The following SPAG16 variants were observed in gnomAD, a reference collection of about 807,000 sequenced individuals.
SPAG16 encodes sperm associated antigen 16.
Under a neutral mutation model 80.4 loss-of-function variants are expected in SPAG16, and 86 were observed. The ratio of observed to expected loss-of-function variants is 1.07; its 90% CI spans 0.90 to 1.28. SPAG16 has a LOEUF of 1.28. Ranked by LOEUF, SPAG16 falls within the 50% of genes most tolerant of loss-of-function variation. The probability of loss-of-function intolerance (pLI) is 0.00; values close to 1 mark genes in which losing one functional copy is unlikely to be tolerated. For synonymous variants in SPAG16, 294 were observed against 265.9 expected (o/e 1.11, Z -1.03); for missense variants, 870 against 765.3 (o/e 1.14, Z -1.61).
intron 10 of SPAG16, among the ~76,000 whole-genome samples, chr2:213,706,428 T>G (rs2065755028): frequency 6.6e-6 from 1 of 152,196 alleles, no homozygotes; most frequent in South Asian, 2.1e-4. Flanking sequence ...CATTCTAAAT[T>G]TTTTTTGGAA....
At chr2:213,446,772 C>T (rs1453926100) in intron 9 of SPAG16, among the ~76,000 whole-genome samples, 3 of 152,128 alleles carry the variant, frequency 2.0e-5, no homozygotes, top group Admixed American at 6.6e-5. Context: ...ACTGTTGCCC[C>T]GCTCAACCAG....
intron 12 of SPAG16, among the ~76,000 whole-genome samples, chr2:213,988,781 A>G (rs1291548377): frequency 6.6e-6 from 1 of 152,106 alleles, no homozygotes; most frequent in Non-Finnish European, 1.5e-5. Context: ...CAAAACACTT[A>G]AGAAATCTGA....
At chr2:214,209,817 A>G (rs2058242301) in intron 15 of SPAG16, among the ~76,000 whole-genome samples, 1 of 152,180 alleles carries the variant, frequency 6.6e-6, no homozygotes, top group Admixed American at 6.5e-5. Flanking sequence ...ATAAGGTTAC[A>G]TAATTGATTA....
intron 10 of SPAG16, among the ~76,000 whole-genome samples, chr2:213,702,072 G>T (rs113433177): frequency 0.037 from 5,628 of 152,048 alleles, 346 homozygotes; most frequent in African/African-American, 0.13. Flanking sequence ...GGGACTTGGA[G>T]AACTTTTATG....
chr2:213,453,576 A>G (rs560393102), intron 9 of SPAG16, among the ~76,000 whole-genome samples: 1 of 152,236 alleles, frequency 6.6e-6, no homozygotes, highest in South Asian at 2.1e-4. Flanking sequence ...GCATATAAAA[A>G]TGTTTGCAGG....
chr2:213,995,835 T>C (rs1217384734), intron 12 of SPAG16, among the ~76,000 whole-genome samples: 3 of 152,196 alleles, frequency 2.0e-5, no homozygotes, highest in Non-Finnish European at 1.5e-5. Flanking sequence ...TCCTGTGGTG[T>C]TTCCCTCTGA....
chr2:214,012,294 T>A (rs1423657403), intron 12 of SPAG16, among the ~76,000 whole-genome samples: 42 of 84,106 alleles, frequency 5.0e-4, no homozygotes, highest in East Asian at 1.0e-3. Context: ...ATATATTTTT[T>A]TTTTTTTTTT....
intron 9 of SPAG16, among the ~76,000 whole-genome samples, chr2:213,404,011 G>A (rs1027121716): frequency 6.6e-6 from 1 of 152,056 alleles, no homozygotes; most frequent in African/African-American, 2.4e-5. Flanking sequence ...GGATGTGAAG[G>A]ACCTCTTCAA....
chr2:213,415,414 T>C (rs1177606847), intron 9 of SPAG16, among the ~76,000 whole-genome samples: 1 of 152,202 alleles, frequency 6.6e-6, no homozygotes, highest in Non-Finnish European at 1.5e-5. Context: ...GGAAATATCA[T>C]TTTTTCAGCA....
intron 11 of SPAG16, among the ~76,000 whole-genome samples, chr2:213,908,995 A>G (rs542653451): frequency 4.6e-5 from 7 of 151,422 alleles, no homozygotes; most frequent in East Asian, 2.0e-4. Flanking sequence ...TCATTGTTCA[A>G]TTCCCATCTA....
chr2:214,265,230 T>C (rs1260202895), intron 15 of SPAG16, among the ~76,000 whole-genome samples: 2 of 152,234 alleles, frequency 1.3e-5, no homozygotes, highest in South Asian at 2.1e-4. Flanking sequence ...AACAATAAAT[T>C]TGAGTTCCTG....
intron 10 of SPAG16, among the ~76,000 whole-genome samples, chr2:213,712,799 T>C (rs2125365249): frequency 6.6e-6 from 1 of 152,252 alleles, no homozygotes; most frequent in Middle Eastern, 3.4e-3. Context: ...AATAAGCATC[T>C]TTTATTTTTG....
chr2:213,468,463 CTA>C (rs1387466600), intron 9 of SPAG16, among the ~76,000 whole-genome samples: 3 of 111,392 alleles, frequency 2.7e-5, no homozygotes, highest in South Asian at 2.6e-4. Flanking sequence ...ATATATATCT[CTA>C]TGTATTTATA....
intron 11 of SPAG16, among the ~76,000 whole-genome samples, chr2:213,876,865 G>A (rs1233508232): frequency 6.6e-6 from 1 of 152,082 alleles, no homozygotes; most frequent in Non-Finnish European, 1.5e-5. Context: ...TGAACTTGAC[G>A]ACAGGCTTTA....
chr2:214,216,590 G>A (rs2058439163), intron 15 of SPAG16, among the ~76,000 whole-genome samples: 1 of 152,196 alleles, frequency 6.6e-6, no homozygotes, highest in Non-Finnish European at 1.5e-5. Context: ...AAAGTGCTGG[G>A]ATTACAGGCG....
intron 7 of SPAG16, among the ~76,000 whole-genome samples, chr2:213,361,795 A>ACACACACG (rs1401905417): frequency 7.0e-6 from 1 of 143,474 alleles, no homozygotes; most frequent in Non-Finnish European, 1.5e-5. Flanking sequence ...AATGCCACAC[A>ACACACACG]CACACACACA....
intron 11 of SPAG16, among the ~76,000 whole-genome samples, chr2:213,925,645 C>A (rs2078436968): frequency 6.6e-6 from 1 of 152,166 alleles, no homozygotes; most frequent in African/African-American, 2.4e-5. Flanking sequence ...GGCCTCTATG[C>A]CCAGCCTTGT....
chr2:213,316,503 A>G (rs1380511761), intron 4 of SPAG16, among the ~76,000 whole-genome samples: 5 of 151,934 alleles, frequency 3.3e-5, no homozygotes, highest in Non-Finnish European at 7.4e-5. Flanking sequence ...AAACCTTCCT[A>G]TGGTTTACTT....
intron 15 of SPAG16, among the ~76,000 whole-genome samples, chr2:214,220,554 A>C (rs2058540958): frequency 1.3e-5 from 2 of 152,124 alleles, no homozygotes; most frequent in Admixed American, 1.3e-4. Context: ...TCTCACGTCC[A>C]ATCATAATTA....
Sources: gnomAD v4.1 joint callset for allele counts (sites outside exome capture counted in the v4.1 genomes callset) on GRCh38, gnomAD v4.1.1 for gene constraint, MANE v1.5 for transcripts, NCBI Gene and HGNC (gene_info 2026-07-23, HGNC 2026-07-21) for gene names.